PRTG: variants seen among roughly 807,000 people sequenced by gnomAD.
PRTG encodes the protein protogenin, also known as immunoglobulin superfamily, DCC subclass, member 5.
Under a neutral mutation model 122.5 loss-of-function variants are expected in PRTG, and 67 were observed. The ratio of observed to expected loss-of-function variants is 0.55; its 90% CI spans 0.45 to 0.67. PRTG has a LOEUF of 0.67. PRTG is among the 30% of genes least tolerant of loss of function. The probability of loss-of-function intolerance (pLI) is 0.00; values close to 1 mark genes in which losing one functional copy is unlikely to be tolerated. For synonymous variants in PRTG, 554 were observed against 501.1 expected (o/e 1.11, Z -1.41); for missense variants, 1,435 against 1,415.4 (o/e 1.01, Z -0.22).
intron 2 of PRTG, among the ~76,000 whole-genome samples, chr15:55,721,104 C>T (rs1327647558): frequency 1.3e-5 from 2 of 152,218 alleles, no homozygotes; most frequent in African/African-American, 4.8e-5. Context: ...GAAATACTGG[C>T]ATCATCCTGA....
Position 55,673,563 on chromosome 15 carries a change from A to T in PRTG, c.1660T>A (p.Leu554Met). The change falls in exon 10 of 20, where the codon TTG (leucine) becomes ATG (methionine). Residue 554 changes from leucine (L) to methionine (M), a missense_variant. Transcript: ENST00000389286. Reference protein sequence around the residue: ...YRRGQVVLYRLSFRLSTENSI... With the variant: ...YRRGQVVLYRMSFRLSTENSI... Reference sequence around the variant, plus strand: ...TTCTCAGTACTTAGGCGGAAAGACAAGCGATACAGCACCACTTGGCCCCGC... The same window carrying T: ...TTCTCAGTACTTAGGCGGAAAGACATGCGATACAGCACCACTTGGCCCCGC... 6.2e-7 allele frequency: 1 copy of T among 1,614,212 alleles called. No homozygotes were observed. Among genetic ancestry groups the T allele is most frequent in the Non-Finnish European group, 8.5e-7 (1 of 1,180,042 alleles).
At chr15:55,687,168 A>G (rs2059574969) in intron 2 of PRTG, among the ~76,000 whole-genome samples, 1 of 152,248 alleles carries the variant, frequency 6.6e-6, no homozygotes, top group Non-Finnish European at 1.5e-5. Context: ...TTTAAGCACA[A>G]TAACTAGAAT....
intron 11 of PRTG, among the ~76,000 whole-genome samples, chr15:55,645,428 C>T (rs1227880319): frequency 2.5e-4 from 3 of 11,916 alleles, no homozygotes; most frequent in East Asian, 0.042. Flanking sequence ...AGCGAAACTC[C>T]GTCTCAAAAA....
chr15:55,622,684 C>A (rs1444415518), intron 18 of PRTG, among the ~76,000 whole-genome samples: 1 of 152,030 alleles, frequency 6.6e-6, no homozygotes, highest in Non-Finnish European at 1.5e-5. Context: ...AGCCACCGCG[C>A]CCGGCCACAC....
rs574981833 is a variant in PRTG at position 55,628,079 on chromosome 15, G to T, written c.2806+743C>A. On this transcript the variant is annotated intron_variant, in intron 16 of 19. Coordinates refer to ENST00000389286, the MANE Select transcript of PRTG (RefSeq NM_173814.6). ...CTCCTTCCTGTTCTTAAAACTGACT[G>T]CCCTGTCCTGCTCTTTTCCTCTCTC... 2.7e-4 allele frequency among the ~76,000 whole-genome samples: 41 copies of T among 152,246 alleles called. 1 individual carries two copies. The highest frequency in any genetic ancestry group is 8.5e-4 in the Admixed American group (13 of 15,290).
Position 55,740,606 on chromosome 15 carries a change from A to T in PRTG, c.173T>A (p.Leu58Ter). The change falls in exon 2 of 20, where the codon TTA becomes TAA. Residue 58 changes from leucine (L) to a stop codon, truncating the protein, a stop_gained. Transcript: ENST00000389286. LOFTEE classifies it high-confidence loss of function. The part of the protein sequence containing the change: ...VTVTRKDPVV[L>*]DCQAHGEVPI... ...AACTTCTCCGTGAGCCTGGCAATCT[A>T]AAACGACTGGGTCCTTTCTTGTGAC... 1 of 1,614,176 alleles carries T rather than the reference A, an allele frequency of 6.2e-7. No individual in the cohort carries two copies.
At chr15:55,726,915 T>C (rs1448119055) in intron 2 of PRTG, among the ~76,000 whole-genome samples, 1 of 149,020 alleles carries the variant, frequency 6.7e-6, no homozygotes, top group Admixed American at 6.7e-5. Flanking sequence ...GCCACTGCAT[T>C]CCAGCCCAGG....
intron 16 of PRTG, 115 bp downstream of exon 16, chr15:55,628,707 T>C (rs2059209010): frequency 1.3e-6 from 1 of 796,010 alleles, no homozygotes; most frequent in African/African-American, 1.7e-5. Flanking sequence ...CAGCAACAAC[T>C]TACGGAACTG....
intron 2 of PRTG, among the ~76,000 whole-genome samples, chr15:55,713,473 T>A: frequency 6.6e-6 from 1 of 152,230 alleles, no homozygotes. Context: ...TCCTATGCTA[T>A]ATGCCTAGAC....
chr15:55,642,402 A>T (rs1426365239), intron 11 of PRTG, among the ~76,000 whole-genome samples: 1 of 151,882 alleles, frequency 6.6e-6, no homozygotes, highest in East Asian at 1.9e-4. Flanking sequence ...GGGTCACCCG[A>T]GGTCGGGAGT....
At chr15:55,679,169 T>C in intron 7 of PRTG, 117 bp downstream of exon 7, 1 of 664,254 alleles carries the variant, frequency 1.5e-6, no homozygotes, top group Non-Finnish European at 2.5e-6. Context: ...TTTAGTTTCA[T>C]TTTGTTAATA....
rs1775059584 is a variant in PRTG, at chr15:55,641,136, G to A, written c.2114C>T (p.Thr705Ile). ...NIDDGYQADQ[T>I]VSTPGCVSVR... ...ACACACGCATCCTGGAGTGCTGACA[G>A]TCTGATCTGCCTGATAGCCATCGTC... Residue 705 changes from threonine (T) to isoleucine (I), a missense_variant, in exon 12 of 20, where the codon ACT becomes ATT. Coordinates refer to ENST00000389286, the MANE Select transcript of PRTG (RefSeq NM_173814.6). The A allele has an allele frequency of 4.3e-6, 7 of 1,613,710 alleles. No homozygotes were observed. Among genetic ancestry groups the A allele is most frequent in the Middle Eastern group, 1.6e-4 (1 of 6,062 alleles).
Position 55,624,364 on chromosome 15 carries a change from G to A in PRTG, c.3071C>T (p.Pro1024Leu). Reference sequence around the variant, plus strand: ...TACCTTTGCATCAATGAAGCTGTTTGGCATGATCATTGGCATTAAAGATTC... The same window carrying A: ...TACCTTTGCATCAATGAAGCTGTTTAGCATGATCATTGGCATTAAAGATTC... ...NEESLMPMIM[P>L]NSFIDAKGGT... Residue 1024 changes from proline to leucine, a missense_variant, in exon 18 of 20, where the codon CCA (proline) becomes CTA (leucine). Pro to Leu is a moderately conservative substitution (Grantham distance 98, BLOSUM62 -3). Transcript: ENST00000389286. The A allele has an allele frequency of 6.2e-7, 1 of 1,613,904 alleles. No homozygotes were observed. Among genetic ancestry groups the A allele is most frequent in the South Asian group, 1.1e-5 (1 of 91,054 alleles).
At position 55,620,191 on chromosome 15, in the gene PRTG, G is replaced by C. The variant is rs201218088; in HGVS notation, c.3274C>G (p.Pro1092Ala). The change falls in exon 20 of 20, where the codon CCT (proline) becomes GCT (alanine). Residue 1092 changes from proline (P) to alanine (A), a missense_variant. Transcript: ENST00000389286. ...CTGGTTGTCTGACCTGGGGAGCTAG[G>C]GGAGTCTTCATCACTGATTAATACA... ...TTVLISDEDSPSSPGQTTSFS... is the reference protein window; with the variant it reads ...TTVLISDEDSASSPGQTTSFS... 3.3e-5 allele frequency: 53 copies of C among 1,614,096 alleles called. No individual in the cohort carries two copies. Among genetic ancestry groups the C allele is most frequent in the Admixed American group, 8.3e-5 (5 of 60,010 alleles).
At chr15:55,668,629 A>T (rs1161524418) in intron 11 of PRTG, among the ~76,000 whole-genome samples, 1 of 152,196 alleles carries the variant, frequency 6.6e-6, no homozygotes, top group African/African-American at 2.4e-5. Flanking sequence ...AACAAATCAC[A>T]CTAATGTATT....
intron 16 of PRTG, among the ~76,000 whole-genome samples, 155 bp downstream of exon 16, chr15:55,628,667 C>T (rs773223071): frequency 2.0e-5 from 3 of 152,156 alleles, no homozygotes; most frequent in Non-Finnish European, 4.4e-5. Flanking sequence ...TGAGGAAAAG[C>T]CATGCAACTC....
intron 2 of PRTG, among the ~76,000 whole-genome samples, chr15:55,711,260 G>A (rs2030376803): frequency 1.3e-5 from 2 of 151,920 alleles, no homozygotes; most frequent in African/African-American, 4.8e-5. Flanking sequence ...CTATTCCTCT[G>A]TAACCTTGAT....
chr15:55,631,764 G>C (rs2141721905), intron 15 of PRTG, among the ~76,000 whole-genome samples: 1 of 152,280 alleles, frequency 6.6e-6, no homozygotes, highest in African/African-American at 2.4e-5. Context: ...GCACGTTACT[G>C]AACTGTACTT....
At chr15:55,689,640 A>AG (rs2059589473) in intron 2 of PRTG, among the ~76,000 whole-genome samples, 1 of 151,292 alleles carries the variant, frequency 6.6e-6, no homozygotes, top group African/African-American at 2.4e-5. Context: ...ATTAAAAAAA[A>AG]AAAAAGGCCA....
Sources: allele counts gnomAD v4.1 joint callset (sites outside exome capture counted in the v4.1 genomes callset), GRCh38; gene constraint gnomAD v4.1.1; transcripts MANE v1.5; gene names NCBI Gene and HGNC (gene_info 2026-07-23, HGNC 2026-07-21).